GAB2: variants seen among roughly 807,000 people sequenced by gnomAD.
GAB2 encodes GRB2-associated-binding protein 2.
A neutral mutation model predicts 65.5 loss-of-function variants in GAB2; 26 were observed. The ratio of observed to expected loss-of-function variants is 0.40; its 90% CI spans 0.29 to 0.55. The LOEUF (loss-of-function observed/expected upper bound fraction) is 0.55. Ranked by LOEUF, GAB2 falls within the 20% of genes least tolerant of loss-of-function variation. The probability of loss-of-function intolerance (pLI) is 0.53; values close to 1 mark genes in which losing one functional copy is unlikely to be tolerated. For synonymous variants in GAB2, 321 were observed against 329.6 expected (o/e 0.97, Z 0.28); for missense variants, 884 against 875.8 (o/e 1.01, Z -0.12).
chr11:78,236,377 T>C (rs1001630580), intron 3 of GAB2, among the ~76,000 whole-genome samples: 1 of 152,210 alleles, frequency 6.6e-6, no homozygotes, highest in African/African-American at 2.4e-5. Context: ...TCTCGAACTC[T>C]TGAGCTCCAG....
At chr11:78,224,824 C>G (rs1052493686) in intron 5 of GAB2, among the ~76,000 whole-genome samples, 1 of 152,062 alleles carries the variant, frequency 6.6e-6, no homozygotes, top group Non-Finnish European at 1.5e-5. Context: ...GTTCCCCCAC[C>G]GTGCAGCCTG....
intron 3 of GAB2, among the ~76,000 whole-genome samples, chr11:78,235,106 A>G (rs1330214587): frequency 6.6e-6 from 1 of 152,036 alleles, no homozygotes; most frequent in African/African-American, 2.4e-5. Flanking sequence ...GCTCCTTGCT[A>G]CTTATGCAAA....
At chr11:78,317,890 T>A (rs982596677) in intron 1 of GAB2, among the ~76,000 whole-genome samples, 1 of 152,160 alleles carries the variant, frequency 6.6e-6, no homozygotes, top group African/African-American at 2.4e-5. Flanking sequence ...TAAACTACAT[T>A]ACATTTCCTT....
intron 1 of GAB2, among the ~76,000 whole-genome samples, chr11:78,286,431 G>T (rs1866485282): frequency 6.6e-6 from 1 of 151,816 alleles, no homozygotes; most frequent in South Asian, 2.1e-4. Flanking sequence ...CTTTCCCCGG[G>T]TTTGACATTT....
intron 5 of GAB2, 33 bp from the exon 6 acceptor site, chr11:78,223,709 G>C: frequency 6.5e-7 from 1 of 1,535,496 alleles, no homozygotes; most frequent in South Asian, 1.3e-5. Flanking sequence ...AAATACAGCT[G>C]TTACTAGCAA....
At chr11:78,390,049 G>A (rs147874711) in intron 1 of GAB2, among the ~76,000 whole-genome samples, 69 of 152,288 alleles carry the variant, frequency 4.5e-4, no homozygotes, top group Middle Eastern at 3.4e-3. Context: ...TACAGTTTAT[G>A]TTAACACTAC....
At chr11:78,298,481 G>C (rs968621554) in intron 1 of GAB2, among the ~76,000 whole-genome samples, 1 of 152,106 alleles carries the variant, frequency 6.6e-6, no homozygotes, top group African/African-American at 2.4e-5. Context: ...AGAGAGACAG[G>C]GTCACATCTG....
At chr11:78,340,879 A>G (rs1177871875) in intron 1 of GAB2, among the ~76,000 whole-genome samples, 1 of 152,150 alleles carries the variant, frequency 6.6e-6, no homozygotes, top group Non-Finnish European at 1.5e-5. Flanking sequence ...TCTGGCTCAA[A>G]ATCATCTCTT....
At chr11:78,396,584 A>AT (rs1482780260) in intron 1 of GAB2, among the ~76,000 whole-genome samples, 1 of 152,152 alleles carries the variant, frequency 6.6e-6, no homozygotes, top group East Asian at 1.9e-4. Flanking sequence ...GTAGATGACT[A>AT]TTTTGTGATG....
intron 1 of GAB2, among the ~76,000 whole-genome samples, chr11:78,323,891 G>A (rs745466841): frequency 5.0e-5 from 7 of 141,148 alleles, no homozygotes; most frequent in South Asian, 4.8e-4. Context: ...TCCGCCTCCC[G>A]GGTTCAAGCA....
chr11:78,346,719 AT>A (rs1220134262), intron 1 of GAB2, among the ~76,000 whole-genome samples: 8 of 36,628 alleles, frequency 2.2e-4, no homozygotes, highest in East Asian at 8.3e-4. Flanking sequence ...ATATATATAT[AT>A]AATTTTTTTT....
At chr11:78,237,994 C>T (rs1034079983) in intron 3 of GAB2, among the ~76,000 whole-genome samples, 1 of 151,950 alleles carries the variant, frequency 6.6e-6, no homozygotes, top group East Asian at 1.9e-4. Flanking sequence ...ACATGGACAC[C>T]TGGGGGTGGG....
rs1554985535 is a variant in GAB2 at position 78,300,530 on chromosome 11, A to AC, written c.76-19630_76-19629insG. On this transcript the variant is annotated intron_variant, in intron 1 of 9. Coordinates refer to ENST00000361507, the MANE Select transcript of GAB2 (RefSeq NM_080491.3). ...GTTTAATTTTATAAAAAAACAAAAA[A>AC]ACAAAAAACTACCACATTGTTTTCT... Among the ~76,000 whole-genome samples, 494 of 141,288 alleles carry AC rather than the reference A, an allele frequency of 3.5e-3. 1 individual carries two copies. The highest frequency in any genetic ancestry group is 0.015 in the African/African-American group (470 of 31,624). 92.7% of individuals were successfully genotyped at this position (141,288 alleles called of 152,430 possible).
intron 3 of GAB2, among the ~76,000 whole-genome samples, chr11:78,243,935 A>G (rs12286638): frequency 0.02 from 2,978 of 152,204 alleles, 108 homozygotes; most frequent in African/African-American, 0.07. Flanking sequence ...GACAAACACA[A>G]CTTACCAAGA....
At chr11:78,244,391 CAAAAG>C (rs1865233140) in intron 3 of GAB2, among the ~76,000 whole-genome samples, 1 of 149,302 alleles carries the variant, frequency 6.7e-6, no homozygotes, top group Non-Finnish European at 1.5e-5. Flanking sequence ...GATTCTGTCT[CAAAAG>C]AAAGAAAAAA....
rs529783600 is a variant in GAB2 at position 78,237,151 on chromosome 11, A to T, written c.621-10100T>A. Among the ~76,000 whole-genome samples, 13 of 152,362 alleles carry T rather than the reference A, an allele frequency of 8.5e-5. No homozygotes were observed. In the East Asian group the frequency reaches 2.5e-3, roughly 29 times the overall value. ...CTTTGAATGCTTGGTAGAATTTACC[A>T]GTAAAACCATCTGGGCATAGTTTTC... On this transcript the variant is annotated intron_variant, in intron 3 of 9. Transcript: ENST00000361507.
intron 1 of GAB2, among the ~76,000 whole-genome samples, chr11:78,333,727 G>A (rs1320734437): frequency 1.3e-5 from 2 of 151,824 alleles, no homozygotes; most frequent in Non-Finnish European, 2.9e-5. Flanking sequence ...AAATCCCATA[G>A]ATACTTACTG....
intron 3 of GAB2, among the ~76,000 whole-genome samples, chr11:78,228,767 C>G (rs544829047): frequency 4.7e-5 from 7 of 150,482 alleles, no homozygotes; most frequent in African/African-American, 1.7e-4. Context: ...ACCAAGCCAA[C>G]AGCCATGGGC....
intron 1 of GAB2, among the ~76,000 whole-genome samples, chr11:78,288,471 C>A (rs765428508): frequency 6.6e-6 from 1 of 150,560 alleles, no homozygotes; most frequent in African/African-American, 2.4e-5. Flanking sequence ...ACTCTCAGGA[C>A]GAATAAGTGA....
Sources: allele counts gnomAD v4.1 joint callset (sites outside exome capture counted in the v4.1 genomes callset), GRCh38; gene constraint gnomAD v4.1.1; transcripts MANE v1.5; gene names NCBI Gene and HGNC (gene_info 2026-07-23, HGNC 2026-07-21).